Variants in WWP2 observed in about 807,000 individuals in gnomAD.
WWP2 encodes NEDD4-like E3 ubiquitin-protein ligase WWP2.
In WWP2, 57 loss-of-function variants were observed where a neutral mutation model predicts 121.0. The ratio of observed to expected loss-of-function variants is 0.47; its 90% CI spans 0.38 to 0.59. The LOEUF is 0.59. Ranked by LOEUF, WWP2 falls within the 20% of genes least tolerant of loss-of-function variation. The pLI, the probability that WWP2 is intolerant of heterozygous loss-of-function variation, is 0.00. For synonymous variants in WWP2, 449 were observed against 441.3 expected (o/e 1.02, Z -0.22); for missense variants, 962 against 1,158.9 (o/e 0.83, Z 2.47).
chr16:69,929,826 G>T (rs1427533389), intron 12 of WWP2, among the ~76,000 whole-genome samples: 1 of 152,186 alleles, frequency 6.6e-6, no homozygotes, highest in Non-Finnish European at 1.5e-5. Flanking sequence ...AAGGTTGAGG[G>T]CATCCTGGTC....
At chr16:69,810,267 G>A (rs369761441) in intron 4 of WWP2, among the ~76,000 whole-genome samples, 4 of 151,376 alleles carry the variant, frequency 2.6e-5, no homozygotes, top group African/African-American at 9.7e-5. Context: ...CCGCAGTGGC[G>A]GATGGTCAAC....
intron 11 of WWP2, 39 bp from the exon 12 acceptor site, chr16:69,929,409 G>T (rs971088704): frequency 6.3e-7 from 1 of 1,596,280 alleles, no homozygotes; most frequent in African/African-American, 1.3e-5. Context: ...GGCTCTCCGT[G>T]TTTGAATCTG....
intron 1 of WWP2, among the ~76,000 whole-genome samples, chr16:69,782,031 C>T (rs1352770200): frequency 6.6e-6 from 1 of 152,128 alleles, no homozygotes; most frequent in Non-Finnish European, 1.5e-5. Flanking sequence ...GCCTGTAATC[C>T]CAGCACTTTG....
chr16:69,791,421 T>C (rs1438687326), intron 2 of WWP2, among the ~76,000 whole-genome samples: 1 of 152,052 alleles, frequency 6.6e-6, no homozygotes, highest in Non-Finnish European at 1.5e-5. Context: ...AGAGACAGGG[T>C]TTCACCGTAT....
At chr16:69,924,222 GGTGGAGGGAGGGCT>G (rs999549251) in intron 10 of WWP2, among the ~76,000 whole-genome samples, 5 of 152,168 alleles carry the variant, frequency 3.3e-5, no homozygotes, top group African/African-American at 1.2e-4. Flanking sequence ...TTCAGCTGGG[GGTGGAGGGAGGGCT>G]GTGGAAGGGG....
chr16:69,773,171 G>C (rs960168602), intron 1 of WWP2, among the ~76,000 whole-genome samples: 4 of 151,650 alleles, frequency 2.6e-5, no homozygotes, highest in Non-Finnish European at 5.9e-5. Context: ...TGTTCCTACC[G>C]ATACACGTTG....
intron 19 of WWP2, chr16:69,936,902 G>A: frequency 1.7e-6 from 1 of 577,982 alleles, no homozygotes; most frequent in Non-Finnish European, 3.0e-6. Context: ...GCAGGAGGAG[G>A]TGGTGGTGAG....
intron 4 of WWP2, among the ~76,000 whole-genome samples, chr16:69,829,494 T>C (rs988060949): frequency 2.0e-5 from 3 of 152,154 alleles, no homozygotes; most frequent in Non-Finnish European, 4.4e-5. Context: ...CTGCCCACTT[T>C]CCTGAATGCA....
intron 10 of WWP2, among the ~76,000 whole-genome samples, chr16:69,919,891 G>A (rs192141706): frequency 3.6e-4 from 55 of 150,848 alleles, no homozygotes; most frequent in African/African-American, 1.3e-3. Context: ...CTCCTGGGCT[G>A]AAGTGATCCT....
At chr16:69,917,934 G>T (rs370645579) in intron 10 of WWP2, 51 bp downstream of exon 10, 2 of 1,535,044 alleles carry the variant, frequency 1.3e-6, no homozygotes, top group Admixed American at 1.9e-5. Flanking sequence ...CTGCGCTTGC[G>T]AATGTGCAGC....
intron 1 of WWP2, chr16:69,775,060 A>C (rs2055495886): frequency 6.6e-6 from 1 of 152,160 alleles, no homozygotes; most frequent in Non-Finnish European, 1.5e-5. Flanking sequence ...AGAAACAGAT[A>C]ATGTGTATTT....
At chr16:69,768,139 G>A (rs2038773153) in intron 1 of WWP2, among the ~76,000 whole-genome samples, 1 of 152,076 alleles carries the variant, frequency 6.6e-6, no homozygotes, top group South Asian at 2.1e-4. Flanking sequence ...CAACTGGCTA[G>A]GGCTCTGGAA....
At chr16:69,865,259 A>C (rs2057499439) in intron 6 of WWP2, among the ~76,000 whole-genome samples, 1 of 151,862 alleles carries the variant, frequency 6.6e-6, no homozygotes, top group Non-Finnish European at 1.5e-5. Context: ...CATGTTGCCC[A>C]GGCTGGTCTC....
chr16:69,834,736 C>T (rs2151863190), intron 4 of WWP2, among the ~76,000 whole-genome samples: 1 of 152,076 alleles, frequency 6.6e-6, no homozygotes. Context: ...CCATGTTGGC[C>T]AGGCTGGTCT....
rs1442611452 is a variant in WWP2 at position 69,939,017 on chromosome 16, G to A, written c.2344-10G>A. On this transcript the variant is annotated splice_polypyrimidine_tract_variant and intron_variant, in intron 21 of 23. Coordinates refer to ENST00000359154, the MANE Select transcript of WWP2 (RefSeq NM_001270454.2). ...GTTGCCTGACTGTGCCTTGACTTGC[G>A]GACTTCCAGGTGGTGAAGGAGATGG... is the stretch of plus-strand genomic sequence containing the variant. 1.9e-6 allele frequency: 3 copies of A among 1,594,574 alleles called. No individual in the cohort carries two copies. Among genetic ancestry groups the A allele is most frequent in the Admixed American group, 1.7e-5 (1 of 57,430 alleles).
chr16:69,776,556 G>T (rs939822801), intron 1 of WWP2, among the ~76,000 whole-genome samples: 1 of 152,168 alleles, frequency 6.6e-6, no homozygotes, highest in African/African-American at 2.4e-5. Context: ...TAGGCCGGGC[G>T]CAGTGGCTTA....
rs576257588 is a variant in WWP2, at chr16:69,931,685, C to T, written c.1593+105C>T. 42 of 1,568,472 alleles carry T rather than the reference C, an allele frequency of 2.7e-5. No individual in the cohort carries two copies. In the South Asian group the frequency reaches 3.4e-4, roughly 13 times the overall value. ...AACCCACACTGCAGACTTTCCAGGGCGTGAGTCTTGGTGACTGTGTCTGCT... is the reference window on the plus strand; with the variant it reads ...AACCCACACTGCAGACTTTCCAGGGTGTGAGTCTTGGTGACTGTGTCTGCT... On this transcript the variant is annotated intron_variant, in intron 15 of 23. Transcript: ENST00000359154.
chr16:69,905,102 A>G (rs2058268399), intron 8 of WWP2, among the ~76,000 whole-genome samples: 1 of 152,196 alleles, frequency 6.6e-6, no homozygotes, highest in Non-Finnish European at 1.5e-5. Context: ...TGATTTCTCT[A>G]CCTTGCTTCC....
chr16:69,850,203 G>A (rs1019082525), intron 6 of WWP2, among the ~76,000 whole-genome samples: 6 of 152,014 alleles, frequency 3.9e-5, no homozygotes, highest in South Asian at 2.1e-4. Flanking sequence ...TGGCTAACAC[G>A]GTGAAACCCC....
Sources: gnomAD v4.1 joint callset for allele counts (sites outside exome capture counted in the v4.1 genomes callset) on GRCh38, gnomAD v4.1.1 for gene constraint, MANE v1.5 for transcripts, NCBI Gene and HGNC (gene_info 2026-07-23, HGNC 2026-07-21) for gene names.